Variants in DEF8 observed in about 807,000 individuals in gnomAD.
DEF8 encodes differentially expressed in FDCP 8 homolog.
DEF8 carries 38 observed loss-of-function variants against 59.1 expected under a neutral mutation model. The ratio of observed to expected loss-of-function variants is 0.64; its 90% confidence interval spans 0.50 to 0.84. The LOEUF (loss-of-function observed/expected upper bound fraction) is 0.84. Ranked by LOEUF, DEF8 falls within the 40% of genes least tolerant of loss-of-function variation. DEF8 has a pLI of 0.00. For synonymous variants in DEF8, 265 were observed against 250.1 expected (o/e 1.06, Z -0.56); for missense variants, 557 against 615.2 (o/e 0.91, Z 1.00).
chr16:89,965,083 C>T (rs566272390), intron 12 of DEF8, among the ~76,000 whole-genome samples: 3 of 152,226 alleles, frequency 2.0e-5, no homozygotes, highest in East Asian at 3.9e-4. Flanking sequence ...GCTAGACCAA[C>T]AGGGAAAAAT....
chr16:89,963,992 C>T (rs772744250), intron 10 of DEF8, 178 bp from the exon 11 acceptor site: 12 of 819,118 alleles, frequency 1.5e-5, no homozygotes, highest in Middle Eastern at 4.4e-4. Context: ...AAACGTGGCC[C>T]GGGTCCATCT....
chr16:89,965,748 C>G, intron 12 of DEF8, 113 bp from the exon 13 acceptor site: 1 of 662,898 alleles, frequency 1.5e-6, no homozygotes. Context: ...GACTCCGACT[C>G]TGCCCTTTGG....
chr16:89,951,888 T>C (rs2032178609), intron 2 of DEF8, among the ~76,000 whole-genome samples: 1 of 151,856 alleles, frequency 6.6e-6, no homozygotes, highest in East Asian at 1.9e-4. Flanking sequence ...AAGATTTTTT[T>C]TTTTTTTGAT....
intron 9 of DEF8, among the ~76,000 whole-genome samples, chr16:89,962,559 G>A (rs765905968): frequency 6.6e-6 from 1 of 152,070 alleles, no homozygotes; most frequent in South Asian, 2.1e-4. Context: ...GGGAGGCTGA[G>A]GCAGGAGAAT....
intron 2 of DEF8, among the ~76,000 whole-genome samples, chr16:89,950,897 C>G (rs930978698): frequency 6.6e-6 from 1 of 152,140 alleles, no homozygotes; most frequent in African/African-American, 2.4e-5. Flanking sequence ...GGGAGGACCC[C>G]TTCAGCCCAG....
Position 89,964,446 on chromosome 16 carries a change from C to A in DEF8, c.1144-20C>A. On this transcript the variant is annotated intron_variant, in intron 11 of 12. Coordinates refer to ENST00000563594, the MANE Select transcript of DEF8 (RefSeq NM_001242818.2). ...TGGCACTGACGTGCCCGTGCCCCAA[C>A]CCCACACTGTTCCCCCCAGCGGTGC... 6.4e-7 allele frequency: 1 copy of A among 1,572,372 alleles called. No individual in the cohort carries two copies. The highest frequency in any genetic ancestry group is 8.6e-7 in the Non-Finnish European group (1 of 1,159,522).
At chr16:89,957,150 T>C in intron 4 of DEF8, 1 of 169,294 alleles carries the variant, frequency 5.9e-6, no homozygotes, top group Admixed American at 5.8e-5. Flanking sequence ...TGACAGCAAA[T>C]GTCCTTTCCC....
intron 2 of DEF8, among the ~76,000 whole-genome samples, chr16:89,950,725 A>G (rs576823610): frequency 8.5e-5 from 13 of 152,226 alleles, no homozygotes; most frequent in Non-Finnish European, 1.9e-4. Context: ...CACACCTATA[A>G]TCCCAGCAAT....
In DEF8 at chr16:89,961,720, C is replaced by A. The variant is rs763199211; in HGVS notation, c.680-17C>A. On this transcript the variant is annotated splice_polypyrimidine_tract_variant and intron_variant, in intron 7 of 12. Transcript: ENST00000563594. ...TTTTGTGAGGCAGGGACACTCAGGG[C>A]CCCTCTGACCCTGCAGGGGGTGTGC... is the stretch of plus-strand genomic sequence containing the variant. The A allele has an allele frequency of 6.2e-7, 1 of 1,612,158 alleles. No homozygotes were observed. Among genetic ancestry groups the A allele is most frequent in the Non-Finnish European group, 8.5e-7 (1 of 1,179,918 alleles).
At chr16:89,965,520 C>T (rs781685087) in intron 12 of DEF8, among the ~76,000 whole-genome samples, 2 of 152,102 alleles carry the variant, frequency 1.3e-5, no homozygotes, top group African/African-American at 2.4e-5. Flanking sequence ...CCGTGATGTA[C>T]AGTTTGGGAG....
intron 9 of DEF8, among the ~76,000 whole-genome samples, chr16:89,962,897 C>T (rs555999105): frequency 2.0e-5 from 3 of 152,330 alleles, no homozygotes; most frequent in Non-Finnish European, 4.4e-5. Context: ...TCTTAGCCAG[C>T]GGTGAGGGAG....
chr16:89,961,236 A>G (rs2033984793), intron 7 of DEF8, 141 bp downstream of exon 7: 2 of 1,154,310 alleles, frequency 1.7e-6, no homozygotes, highest in East Asian at 2.6e-5. Flanking sequence ...AGGAAGTGAC[A>G]AGGGTCTGTT....
At chr16:89,962,953 A>G (rs574301128) in intron 9 of DEF8, among the ~76,000 whole-genome samples, 43 of 152,330 alleles carry the variant, frequency 2.8e-4, no homozygotes, top group African/African-American at 1.0e-3. Context: ...CAGTCCTGGC[A>G]GGACATGATG....
intron 5 of DEF8, chr16:89,958,326 A>G (rs1374993769): frequency 6.5e-6 from 1 of 153,910 alleles, no homozygotes; most frequent in Non-Finnish European, 1.4e-5. Flanking sequence ...CGGGTGGGCT[A>G]AGTAAGTTCC....
At chr16:89,964,346 C>G (rs1567809008) in intron 11 of DEF8, 36 bp downstream of exon 11, 1 of 1,558,740 alleles carries the variant, frequency 6.4e-7, no homozygotes, top group African/African-American at 1.4e-5. Context: ...TTCTCCAACC[C>G]CAGCCCTGAG....
At chr16:89,963,470 C>T (rs779409458) in intron 10 of DEF8, 27 bp downstream of exon 10, 28 of 1,599,344 alleles carry the variant, frequency 1.8e-5, no homozygotes, top group Middle Eastern at 1.7e-4. Context: ...GACTGGCCCC[C>T]GATGGGAAGC....
intron 7 of DEF8, 46 bp from the exon 8 acceptor site, chr16:89,961,691 G>C: frequency 1.2e-6 from 2 of 1,607,944 alleles, no homozygotes; most frequent in Admixed American, 1.7e-5. Flanking sequence ...AAGCTGTGTG[G>C]GGTTTTTGTG....
intron 2 of DEF8, among the ~76,000 whole-genome samples, chr16:89,949,879 G>T (rs1352701003): frequency 6.6e-6 from 1 of 152,152 alleles, no homozygotes; most frequent in East Asian, 1.9e-4. Flanking sequence ...GGTGAGCCTG[G>T]TGAGAGGGGC....
Position 89,961,063 on chromosome 16 carries a change from G to T in DEF8, c.647G>T (p.Arg216Leu), listed in dbSNP as rs745450441. 4 of 1,613,564 alleles carry T rather than the reference G, an allele frequency of 2.5e-6. No homozygotes were observed. Among genetic ancestry groups the T allele is most frequent in the Admixed American group, 1.7e-5 (1 of 60,012 alleles). ...PETGLDSQDY[R>L]CAECRAPISL... ...ACAGGGCTGGACAGCCAGGATTACC[G>T]CTGTGCCGAGTGCCGGGCGCCCATC... The change falls in exon 7 of 13, where the codon CGC (arginine) becomes CTC (leucine). Residue 216 changes from arginine (R) to leucine (L), a missense_variant. By Grantham distance (102) the Arg-to-Leu change is moderately radical (BLOSUM62 -2). Coordinates refer to ENST00000563594, the MANE Select transcript of DEF8 (RefSeq NM_001242818.2).
Sources: allele counts gnomAD v4.1 joint callset (sites outside exome capture counted in the v4.1 genomes callset), GRCh38; gene constraint gnomAD v4.1.1; transcripts MANE v1.5; gene names NCBI Gene and HGNC (gene_info 2026-07-23, HGNC 2026-07-21).